AMBRA1: variants seen among roughly 807,000 people sequenced by gnomAD.
AMBRA1 encodes autophagy and beclin 1 regulator 1.
In AMBRA1, 47 loss-of-function variants were observed where a neutral mutation model predicts 125.4. The ratio of observed to expected loss-of-function variants is 0.37; its 90% CI spans 0.30 to 0.48. The LOEUF (loss-of-function observed/expected upper bound fraction) is 0.48, where lower values mean the gene tolerates loss of function less well. Ranked by LOEUF, AMBRA1 falls within the 20% of genes least tolerant of loss-of-function variation. The probability of loss-of-function intolerance (pLI) is 0.99; values close to 1 mark genes in which losing one functional copy is unlikely to be tolerated. For synonymous variants in AMBRA1, 626 were observed against 655.5 expected (o/e 0.95, Z 0.69); for missense variants, 1,331 against 1,693.4 (o/e 0.79, Z 3.76).
At chr11:46,555,363 TACG>T (rs545008028) in intron 1 of AMBRA1, among the ~76,000 whole-genome samples, 91 of 152,364 alleles carry the variant, frequency 6.0e-4, no homozygotes, top group Admixed American at 9.1e-4. Context: ...CTTCTAGCTA[TACG>T]ACTTTGGGGA....
chr11:46,400,290 A>G (rs1945676505), intron 17 of AMBRA1, among the ~76,000 whole-genome samples: 1 of 151,944 alleles, frequency 6.6e-6, no homozygotes, highest in Admixed American at 6.6e-5. Flanking sequence ...ACTTGCCAGC[A>G]GCTATTTTTA....
chr11:46,520,977 A>G (rs1210347267), intron 7 of AMBRA1, among the ~76,000 whole-genome samples: 2 of 152,122 alleles, frequency 1.3e-5, no homozygotes, highest in African/African-American at 2.4e-5. Flanking sequence ...TCTTTGCTAC[A>G]TGAAAACAGG....
intron 14 of AMBRA1, among the ~76,000 whole-genome samples, chr11:46,420,200 C>A (rs562815811): frequency 3.9e-5 from 6 of 152,180 alleles, no homozygotes; most frequent in Admixed American, 1.3e-4. Flanking sequence ...CTACACCCTT[C>A]CTGTAGGACT....
chr11:46,397,514 A>C lies in AMBRA1; in HGVS notation c.3833T>G (p.Leu1278Arg), dbSNP rs151233267. 4 of 1,535,486 alleles carry C rather than the reference A, an allele frequency of 2.6e-6. No homozygotes were observed. The African/African-American group carries it at 5.5e-5, about 21-fold the overall frequency. ...LHCELTNNNH[L>R]LDGGSSRGDA... ...CCCCCTGCTGCTGCCACCATCCAGA[A>C]GGTGGTTGTTATTGGTCAACTCGCA... The change falls in exon 18 of 18, where the codon CTT (leucine) becomes CGT (arginine). Residue 1278 changes from leucine (L) to arginine (R), a missense_variant. Leu to Arg is a moderately radical substitution (Grantham distance 102). Around this residue, in one of 4 missense-constraint regions of AMBRA1, gnomAD observed 144 missense variants for 133.9 expected, o/e 1.08. Coordinates refer to ENST00000683756, the MANE Select transcript of AMBRA1 (RefSeq NM_001387011.1).
rs754310820 is a variant in AMBRA1, at chr11:46,548,228, T to C, written c.135+18A>G. 2 of 1,613,922 alleles carry C rather than the reference T, an allele frequency of 1.2e-6. No homozygotes were observed. The highest frequency in any genetic ancestry group is 1.7e-5 in the Admixed American group (1 of 59,984). On this transcript the variant is annotated intron_variant, in intron 2 of 17. Transcript: ENST00000683756. ...TCACCAGCACAAATCCTATGTGAAA[T>C]ATAGCCATTTTCCTTACCTTGCCCT...
At chr11:46,420,303 T>A (rs993683274) in intron 14 of AMBRA1, among the ~76,000 whole-genome samples, 2 of 152,194 alleles carry the variant, frequency 1.3e-5, no homozygotes, top group Admixed American at 1.3e-4. Flanking sequence ...GTTAATGAAT[T>A]TCTCTCGTAG....
chr11:46,584,046 T>C (rs2044279044), intron 1 of AMBRA1, among the ~76,000 whole-genome samples: 1 of 146,204 alleles, frequency 6.8e-6, no homozygotes, highest in Non-Finnish European at 1.5e-5. Flanking sequence ...GGACTATAAA[T>C]CATGCTGCTA....
intron 11 of AMBRA1, among the ~76,000 whole-genome samples, chr11:46,484,661 T>C (rs1950201016): frequency 6.6e-6 from 1 of 152,096 alleles, no homozygotes; most frequent in African/African-American, 2.4e-5. Flanking sequence ...CTTTTTTTTT[T>C]TCTGAGATGG....
At chr11:46,576,299 T>TG (rs2043958960) in intron 1 of AMBRA1, among the ~76,000 whole-genome samples, 1 of 152,196 alleles carries the variant, frequency 6.6e-6, no homozygotes, top group South Asian at 2.1e-4. Flanking sequence ...ACATTGGTGT[T>TG]GCTGTTGTTT....
At chr11:46,534,631 C>G (rs1298159337) in intron 7 of AMBRA1, among the ~76,000 whole-genome samples, 1 of 152,118 alleles carries the variant, frequency 6.6e-6, no homozygotes, top group Non-Finnish European at 1.5e-5. Flanking sequence ...TAGGAAGAAC[C>G]AAACTCATCC....
At chr11:46,564,194 T>C (rs1293775415) in intron 1 of AMBRA1, among the ~76,000 whole-genome samples, 2 of 136,986 alleles carry the variant, frequency 1.5e-5, no homozygotes, top group Non-Finnish European at 3.1e-5. Flanking sequence ...CCTTCTTAAG[T>C]ACATGGCAGA....
chr11:46,423,683 G>A (rs964375441), intron 14 of AMBRA1, among the ~76,000 whole-genome samples: 5 of 151,732 alleles, frequency 3.3e-5, no homozygotes, highest in South Asian at 2.1e-4. Context: ...GAGCCACCGT[G>A]CCCGGCCAAT....
chr11:46,523,934 T>C (rs775276795), intron 7 of AMBRA1, among the ~76,000 whole-genome samples: 19 of 152,202 alleles, frequency 1.2e-4, no homozygotes, highest in Non-Finnish European at 2.2e-4. Context: ...AATGGCATGA[T>C]CTAGGCTCAC....
In AMBRA1 at chr11:46,450,683, T is replaced by A. The variant is rs553796085; in HGVS notation, c.2522-7085A>T. Among the ~76,000 whole-genome samples the A allele has an allele frequency of 4.6e-5, 7 of 152,288 alleles. No homozygotes were observed. The East Asian group carries it at 1.4e-3, about 29-fold the overall frequency. On this transcript the variant is annotated intron_variant, in intron 11 of 17. Transcript: ENST00000683756. The stretch of plus-strand genomic sequence containing the variant: ...GTCTCCAACTCCTGAACTCAAGAGA[T>A]CCACCTGCCTTGGCCTCCCAAAGTG...
In AMBRA1 at chr11:46,508,182, T is replaced by C. The variant is rs1242137639; in HGVS notation, c.2339+9A>G. 6 of 1,613,734 alleles carry C rather than the reference T, an allele frequency of 3.7e-6. No homozygotes were observed. Among genetic ancestry groups the C allele is most frequent in the Non-Finnish European group, 5.1e-6 (6 of 1,179,750 alleles). On this transcript the variant is annotated intron_variant, in intron 9 of 17. Transcript: ENST00000683756. ...GAGAGGGAAGAAAGCAAGCTGAGTA[T>C]GTACTTACTCAAAGTCCTCAAATTC...
intron 12 of AMBRA1, among the ~76,000 whole-genome samples, chr11:46,438,580 C>G (rs1475502284): frequency 6.6e-6 from 1 of 152,190 alleles, no homozygotes; most frequent in Non-Finnish European, 1.5e-5. Flanking sequence ...AAAATTTCCT[C>G]CTGGCTATCT....
At chr11:46,549,860 C>T (rs1591095069) in intron 1 of AMBRA1, among the ~76,000 whole-genome samples, 3 of 151,956 alleles carry the variant, frequency 2.0e-5, no homozygotes, top group Non-Finnish European at 2.9e-5. Flanking sequence ...ACTCTGTGGC[C>T]CCAGTTGGAG....
intron 7 of AMBRA1, among the ~76,000 whole-genome samples, chr11:46,529,271 C>G (rs1952112837): frequency 1.3e-5 from 2 of 152,312 alleles, no homozygotes; most frequent in Admixed American, 1.3e-4. Context: ...ACTAGTGAGC[C>G]TCATCCAGCA....
chr11:46,543,537 G>T, intron 6 of AMBRA1, 139 bp from the exon 7 acceptor site: 1 of 1,105,306 alleles, frequency 9.0e-7, no homozygotes, highest in Non-Finnish European at 1.3e-6. Flanking sequence ...CTCTACCCCT[G>T]AAGCACTGAC....
Sources: gnomAD v4.1 joint callset for allele counts (sites outside exome capture counted in the v4.1 genomes callset) on GRCh38, gnomAD v4.1.1 for gene constraint, gnomAD v4.1.1 regional missense constraint, MANE v1.5 for transcripts, NCBI Gene and HGNC (gene_info 2026-07-23, HGNC 2026-07-21) for gene names.